ARRB1: variants seen among roughly 807,000 people sequenced by gnomAD.
ARRB1 encodes beta-arrestin-1.
Under a neutral mutation model 56.8 loss-of-function variants are expected in ARRB1, and 21 were observed. The ratio of observed to expected loss-of-function variants is 0.37; its 90% CI spans 0.26 to 0.53. The LOEUF (loss-of-function observed/expected upper bound fraction) is 0.53. ARRB1 is among the 20% of genes least tolerant of loss of function. The pLI is 0.88. For missense variants in ARRB1, 424 were observed against 553.7 expected (o/e 0.77, Z 2.35); for synonymous variants, 210 against 218.6 (o/e 0.96, Z 0.35).
chr11:75,290,183 A>G, intron 1 of ARRB1, 144 bp from the exon 2 acceptor site: 1 of 925,618 alleles, frequency 1.1e-6, no homozygotes, highest in Non-Finnish European at 1.6e-6. Flanking sequence ...AACAGTGCCC[A>G]TGTAATCCGC....
intron 3 of ARRB1, among the ~76,000 whole-genome samples, chr11:75,285,458 C>A (rs1946448045): frequency 6.6e-6 from 1 of 152,208 alleles, no homozygotes; most frequent in South Asian, 2.1e-4. Flanking sequence ...TCTCTCTCCC[C>A]CTACCCTCTA....
At chr11:75,278,807 G>A (rs980311987) in intron 7 of ARRB1, 63 bp from the exon 8 acceptor site, 178 of 1,544,634 alleles carry the variant, frequency 1.2e-4, no homozygotes, top group Non-Finnish European at 1.5e-4. Context: ...CTCTCCTTGC[G>A]AGCCTCACAT....
At chr11:75,283,898 G>A (rs1270981586) in intron 4 of ARRB1, among the ~76,000 whole-genome samples, 1 of 152,172 alleles carries the variant, frequency 6.6e-6, no homozygotes, top group Non-Finnish European at 1.5e-5. Context: ...TCTTGTCACA[G>A]CTCAGTCTGC....
At chr11:75,268,783 G>T in intron 14 of ARRB1, 106 bp downstream of exon 14, 2 of 1,270,928 alleles carry the variant, frequency 1.6e-6, no homozygotes, top group Non-Finnish European at 2.2e-6. Flanking sequence ...GGGGACCCGA[G>T]AAAAGGGTGA....
intron 3 of ARRB1, among the ~76,000 whole-genome samples, 198 bp downstream of exon 3, chr11:75,287,117 A>G (rs1011407771): frequency 1.3e-5 from 2 of 152,088 alleles, no homozygotes; most frequent in African/African-American, 2.4e-5. Context: ...TTGTCACCTC[A>G]GTCCTTCCCA....
At chr11:75,279,617 G>C (rs1161492829) in intron 7 of ARRB1, among the ~76,000 whole-genome samples, 3 of 152,180 alleles carry the variant, frequency 2.0e-5, no homozygotes, top group African/African-American at 7.2e-5. Context: ...TCCCTAATCT[G>C]TAAAGGGTGA....
At chr11:75,287,280 TC>T in intron 3 of ARRB1, 34 bp downstream of exon 3, 1 of 1,540,504 alleles carries the variant, frequency 6.5e-7, no homozygotes, top group Non-Finnish European at 8.8e-7. Context: ...AGCCACATCT[TC>T]CCCCAGCCCT....
chr11:75,332,239 T>C (rs1947533344), intron 1 of ARRB1, among the ~76,000 whole-genome samples: 1 of 152,240 alleles, frequency 6.6e-6, no homozygotes, highest in Admixed American at 6.5e-5. Flanking sequence ...CACAGGGATG[T>C]GTGTGACAAT....
At chr11:75,303,642 G>A (rs1946956322) in intron 1 of ARRB1, 1 of 456,286 alleles carries the variant, frequency 2.2e-6, no homozygotes, top group Non-Finnish European at 4.4e-6. Flanking sequence ...TTTCCCCAGA[G>A]CACCTACAGG....
chr11:75,274,307 C>T, intron 10 of ARRB1, 96 bp from the exon 11 acceptor site: 1 of 1,523,718 alleles, frequency 6.6e-7, no homozygotes, highest in Non-Finnish European at 8.9e-7. Context: ...TGAGCCTGCT[C>T]CAAGTCTCCC....
chr11:75,291,952 AGAGAAGGCGAGTG>A (rs1189563344), intron 1 of ARRB1, among the ~76,000 whole-genome samples: 17 of 152,170 alleles, frequency 1.1e-4, no homozygotes, highest in Admixed American at 3.9e-4. Context: ...TCCTTCCAGA[AGAGAAGGCGAGTG>A]GGTGGTGGCT....
rs1323145280 is a variant in ARRB1, at chr11:75,293,840, G to A, written c.21-3801C>T. Among the ~76,000 whole-genome samples, 3 of 152,174 alleles carry A rather than the reference G, an allele frequency of 2.0e-5. No homozygotes were observed. In the East Asian group the frequency reaches 5.8e-4, roughly 29 times the overall value. ...TGGGAAGCCATCTGAATCTCAGGCAGTCTCACTCTCTCTGCACCTCTCCTC... is the reference window on the plus strand; with the variant it reads ...TGGGAAGCCATCTGAATCTCAGGCAATCTCACTCTCTCTGCACCTCTCCTC... On this transcript the variant is annotated intron_variant, in intron 1 of 15. Transcript: ENST00000420843.
At chr11:75,297,090 C>T (rs554585799) in intron 1 of ARRB1, among the ~76,000 whole-genome samples, 2 of 152,266 alleles carry the variant, frequency 1.3e-5, no homozygotes, top group South Asian at 4.1e-4. Context: ...CTGAACTTTA[C>T]ACTCAATAAA....
intron 1 of ARRB1, among the ~76,000 whole-genome samples, chr11:75,324,043 C>T (rs1947389168): frequency 6.6e-6 from 1 of 152,054 alleles, no homozygotes; most frequent in Non-Finnish European, 1.5e-5. Flanking sequence ...CATGCATGCA[C>T]ACACACACAG....
intron 15 of ARRB1, among the ~76,000 whole-genome samples, chr11:75,267,315 G>A (rs548911314): frequency 1.3e-5 from 2 of 152,308 alleles, no homozygotes; most frequent in East Asian, 1.9e-4. Context: ...ACTGGTTGGC[G>A]TGGGCAGGAC....
chr11:75,334,346 C>T lies in ARRB1; in HGVS notation c.20+17242G>A, dbSNP rs1004366195. Among the ~76,000 whole-genome samples, 7 of 144,976 alleles carry T rather than the reference C, an allele frequency of 4.8e-5. No individual in the cohort carries two copies. The East Asian group carries it at 1.4e-3, about 30-fold the overall frequency. On this transcript the variant is annotated intron_variant, in intron 1 of 15. Coordinates refer to ENST00000420843, the MANE Select transcript of ARRB1 (RefSeq NM_004041.5). ...AAAAAAGGCCCCATCCCGGTTACAA[C>T]AGCCCCTTCCCAGGCAAGCCGTGCT...
At chr11:75,312,734 AT>A (rs368357939) in intron 1 of ARRB1, among the ~76,000 whole-genome samples, 29 of 152,310 alleles carry the variant, frequency 1.9e-4, no homozygotes, top group African/African-American at 6.0e-4. Context: ...AGTAAAGGCA[AT>A]GGGGTGATGG....
intron 1 of ARRB1, among the ~76,000 whole-genome samples, chr11:75,327,301 C>CA (rs777940901): frequency 0.62 from 37,075 of 60,168 alleles, 10,957 homozygotes; most frequent in African/African-American, 0.69. Flanking sequence ...AACTCCATCT[C>CA]AAAAAAAAAA....
intron 1 of ARRB1, among the ~76,000 whole-genome samples, chr11:75,297,788 C>T (rs917943651): frequency 7.6e-6 from 1 of 132,346 alleles, no homozygotes; most frequent in Non-Finnish European, 1.5e-5. Flanking sequence ...TCGCTTGAAC[C>T]CAGGAGGCGG....
Sources: gnomAD v4.1 joint callset for allele counts (sites outside exome capture counted in the v4.1 genomes callset) on GRCh38, gnomAD v4.1.1 for gene constraint, MANE v1.5 for transcripts, NCBI Gene and HGNC (gene_info 2026-07-23, HGNC 2026-07-21) for gene names.